Variants in RBFOX1 observed in about 807,000 individuals in gnomAD.
RBFOX1 encodes the protein RNA binding fox-1 homolog 1.
RBFOX1 carries 8 observed loss-of-function variants against 57.7 expected under a neutral mutation model. The observed-to-expected ratio is 0.14, with a 90% CI of 0.08 to 0.25. The LOEUF (loss-of-function observed/expected upper bound fraction) is 0.25. RBFOX1 is among the 10% of genes least tolerant of loss of function. The probability of loss-of-function intolerance (pLI) is 1.00; values close to 1 mark genes in which losing one functional copy is unlikely to be tolerated. For synonymous variants in RBFOX1, 326 were observed against 222.4 expected (o/e 1.47, Z -4.15); for missense variants, 611 against 548.5 (o/e 1.11, Z -1.14).
chr16:6,326,276 C>T (rs192817868), intron 2 of RBFOX1, among the ~76,000 whole-genome samples: 4 of 152,198 alleles, frequency 2.6e-5, no homozygotes, highest in Admixed American at 2.6e-4. Flanking sequence ...TCGCTAGGTA[C>T]TGAGGATATC....
In RBFOX1 at chr16:6,486,072, C is replaced by G. The variant is rs186922105; in HGVS notation, c.-63-168531C>G. 6.0e-4 allele frequency among the ~76,000 whole-genome samples: 76 copies of G among 126,808 alleles called. No individual in the cohort carries two copies. The East Asian group carries it at 0.018, about 29-fold the overall frequency. The allele number at this position is 126,808 out of a possible 152,430, so 83.2% of individuals were successfully genotyped here. On this transcript the variant is annotated intron_variant, in intron 2 of 15. Transcript: ENST00000550418. ...ATGATACAAAAGTTGAAGGAGATCT[C>G]AGTAAAAGGCTTTTTTTTTTTTTTT... is the stretch of plus-strand genomic sequence containing the variant.
chr16:6,790,230 G>T (rs1003906629), intron 3 of RBFOX1, among the ~76,000 whole-genome samples: 2 of 147,634 alleles, frequency 1.4e-5, no homozygotes, highest in Non-Finnish European at 3.0e-5. Context: ...TGTCAGCCAG[G>T]CTGGAATGCA....
chr16:6,732,425 C>T (rs1181823376), intron 3 of RBFOX1, among the ~76,000 whole-genome samples: 1 of 152,228 alleles, frequency 6.6e-6, no homozygotes, highest in Non-Finnish European at 1.5e-5. Flanking sequence ...AGCACCTGCA[C>T]TGCACCTGCA....
intron 1 of RBFOX1, among the ~76,000 whole-genome samples, chr16:6,227,941 T>C (rs2097429844): frequency 6.6e-6 from 1 of 152,194 alleles, no homozygotes; most frequent in Admixed American, 6.6e-5. Flanking sequence ...TGCTGGATTA[T>C]ACATCCAAAG....
chr16:7,014,188 T>G (rs1193897090), intron 3 of RBFOX1, among the ~76,000 whole-genome samples: 4 of 151,860 alleles, frequency 2.6e-5, no homozygotes, highest in African/African-American at 9.7e-5. Flanking sequence ...GAAAATAACC[T>G]GTTCAAAATG....
chr16:6,525,697 G>T (rs188089465), intron 2 of RBFOX1, among the ~76,000 whole-genome samples: 14 of 152,028 alleles, frequency 9.2e-5, no homozygotes, highest in African/African-American at 3.4e-4. Flanking sequence ...TTCACTGGTG[G>T]GAGGAACACT....
intron 4 of RBFOX1, among the ~76,000 whole-genome samples, chr16:7,206,010 G>C (rs1327091567): frequency 6.6e-6 from 1 of 152,230 alleles, no homozygotes; most frequent in African/African-American, 2.4e-5. Context: ...TCTGAACACA[G>C]GTGTGGCTTG....
intron 5 of RBFOX1, among the ~76,000 whole-genome samples, chr16:7,527,123 T>G (rs2078888318): frequency 6.6e-6 from 1 of 152,152 alleles, no homozygotes. Context: ...AATTGTCTTT[T>G]CGGATGACAG....
Position 6,948,271 on chromosome 16 carries a change from A to G in RBFOX1, c.-15-103786A>G, listed in dbSNP as rs139901778. Among the ~76,000 whole-genome samples, 46 of 152,256 alleles carry G rather than the reference A, an allele frequency of 3.0e-4. 1 individual carries two copies. The highest frequency in any genetic ancestry group is 9.9e-4 in the African/African-American group (41 of 41,558). ...ATATTATGAGACCATATCTGAAAGA[A>G]AAACATAAAATAAAAATTTTAATTT... is the stretch of plus-strand genomic sequence containing the variant. On this transcript the variant is annotated intron_variant, in intron 3 of 15. Coordinates refer to ENST00000550418, the MANE Select transcript of RBFOX1 (RefSeq NM_018723.4).
At chr16:6,931,759 T>A (rs1223879003) in intron 3 of RBFOX1, among the ~76,000 whole-genome samples, 2 of 152,208 alleles carry the variant, frequency 1.3e-5, no homozygotes, top group Non-Finnish European at 2.9e-5. Context: ...GTGATCTGTT[T>A]CCTGTGGTCT....
At chr16:7,171,690 G>C (rs1337703370) in intron 4 of RBFOX1, among the ~76,000 whole-genome samples, 1 of 152,194 alleles carries the variant, frequency 6.6e-6, no homozygotes, top group Non-Finnish European at 1.5e-5. Flanking sequence ...TTTAGTTATA[G>C]GGTAAGCAAT....
At position 5,908,191 on chromosome 16, in the gene RBFOX1, TATATAC is replaced by T. The variant is rs1171401740; in HGVS notation, c.351+40864_351+40869del. ...ACACATATATACACATATATACACA[TATATAC>T]ATATACACACATATATATACATATA... On this transcript the variant is annotated intron_variant, in intron 4 of 19. Coordinates refer to the RBFOX1 transcript ENST00000641259. Among the ~76,000 whole-genome samples the T allele has an allele frequency of 3.1e-3, 415 of 133,952 alleles. 11 individuals carry two copies. Among genetic ancestry groups the T allele is most frequent in the African/African-American group, 0.012 (396 of 34,318 alleles). The allele number at this position is 133,952 out of a possible 152,430, so 87.9% of individuals were successfully genotyped here.
At chr16:6,684,301 C>G (rs977812964) in intron 3 of RBFOX1, among the ~76,000 whole-genome samples, 1 of 152,154 alleles carries the variant, frequency 6.6e-6, no homozygotes, top group Non-Finnish European at 1.5e-5. Context: ...AGGCGCCAGC[C>G]ACTGTTTTAA....
chr16:5,262,064 C>T (rs1434029049), intron 1 of RBFOX1, among the ~76,000 whole-genome samples: 4 of 152,168 alleles, frequency 2.6e-5, no homozygotes, highest in Non-Finnish European at 5.9e-5. Flanking sequence ...AAAAGAAACA[C>T]ACAACGTATT....
intron 3 of RBFOX1, among the ~76,000 whole-genome samples, chr16:5,859,411 A>C (rs561615805): frequency 1.3e-5 from 2 of 152,230 alleles, no homozygotes; most frequent in Non-Finnish European, 2.9e-5. Flanking sequence ...AACAGCAAGA[A>C]AGATTTTTGT....
chr16:7,702,462 C>G (rs1308237848), intron 14 of RBFOX1, among the ~76,000 whole-genome samples: 1 of 152,128 alleles, frequency 6.6e-6, no homozygotes, highest in Non-Finnish European at 1.5e-5. Flanking sequence ...TACTGTTTTG[C>G]TGCATTTTCA....
intron 4 of RBFOX1, among the ~76,000 whole-genome samples, chr16:7,184,689 A>G (rs1223658548): frequency 6.6e-6 from 1 of 152,152 alleles, no homozygotes; most frequent in Admixed American, 6.5e-5. Context: ...CCCAAACCTG[A>G]TTATGAGCTC....
At chr16:7,189,419 C>A (rs1417655982) in intron 4 of RBFOX1, among the ~76,000 whole-genome samples, 1 of 119,530 alleles carries the variant, frequency 8.4e-6, no homozygotes, top group Non-Finnish European at 1.7e-5. Flanking sequence ...GAGCGAGACT[C>A]CCTCTCAAAA....
intron 3 of RBFOX1, among the ~76,000 whole-genome samples, chr16:6,834,203 A>G (rs1033885280): frequency 6.6e-6 from 1 of 151,852 alleles, no homozygotes; most frequent in Non-Finnish European, 1.5e-5. Context: ...CCTCCCAGGT[A>G]GCTGGGATTA....
Sources: gnomAD v4.1 joint callset for allele counts (sites outside exome capture counted in the v4.1 genomes callset) on GRCh38, gnomAD v4.1.1 for gene constraint, MANE v1.5 for transcripts, NCBI Gene and HGNC (gene_info 2026-07-23, HGNC 2026-07-21) for gene names.